Variants in SAMD3 observed in about 807,000 individuals in gnomAD.
The protein encoded by SAMD3 is sterile alpha motif domain-containing protein 3.
SAMD3 carries 63 observed loss-of-function variants against 58.5 expected under a neutral mutation model. That is an observed-to-expected ratio of 1.08 (90% CI 0.88 to 1.33). The LOEUF (loss-of-function observed/expected upper bound fraction) is 1.33, where lower values mean the gene tolerates loss of function less well. Ranked by LOEUF, SAMD3 falls within the 40% of genes most tolerant of loss-of-function variation. SAMD3 has a pLI of 0.00. For synonymous variants in SAMD3, 220 were observed against 210.3 expected (o/e 1.05, Z -0.40); for missense variants, 604 against 608.4 (o/e 0.99, Z 0.08).
chr6:130,258,615 C>A (rs985305710), intron 2 of SAMD3, among the ~76,000 whole-genome samples: 17 of 152,164 alleles, frequency 1.1e-4, no homozygotes, highest in Admixed American at 1.1e-3. Context: ...CTATCACACA[C>A]AAAAGAGTCT....
rs60129721 is a variant in SAMD3 at position 130,164,085 on chromosome 6, G to GAAA, written c.823-9063_823-9061dup. ...CAGTATCCTACACATAAAGTAGGTT[G>GAAA]AAAAAAAAAAAAAAAGAGGCACAAG... On this transcript the variant is annotated intron_variant, in intron 8 of 11. Transcript: ENST00000439090. Among the ~76,000 whole-genome samples, 99 of 137,462 alleles carry GAAA rather than the reference G, an allele frequency of 7.2e-4. 1 individual carries two copies. Among genetic ancestry groups the GAAA allele is most frequent in the African/African-American group, 2.4e-3 (89 of 37,484 alleles). The allele number at this position is 137,462 out of a possible 152,430, so 90.2% of individuals were successfully genotyped here.
chr6:130,208,814 CT>C (rs1313445129), intron 5 of SAMD3, among the ~76,000 whole-genome samples: 2 of 152,184 alleles, frequency 1.3e-5, no homozygotes, highest in African/African-American at 2.4e-5. Context: ...ATCCATCCCC[CT>C]GACCCCTGTC....
intron 2 of SAMD3, among the ~76,000 whole-genome samples, chr6:130,290,865 CA>C (rs1775339140): frequency 6.6e-6 from 1 of 152,292 alleles, no homozygotes; most frequent in South Asian, 2.1e-4. Context: ...TAACAATATA[CA>C]AATTTTAAAT....
chr6:130,184,949 A>G (rs953707096), intron 5 of SAMD3, among the ~76,000 whole-genome samples: 11 of 152,370 alleles, frequency 7.2e-5, no homozygotes, highest in African/African-American at 2.6e-4. Context: ...AAACTAGACA[A>G]TATACTTAAC....
At chr6:130,308,590 TAGTA>T (rs1315801286) in intron 2 of SAMD3, among the ~76,000 whole-genome samples, 1 of 151,904 alleles carries the variant, frequency 6.6e-6, no homozygotes, top group Admixed American at 6.6e-5. Flanking sequence ...ATTTCTGGGC[TAGTA>T]AGTATTTTCT....
At position 130,157,513 on chromosome 6, in the gene SAMD3, G is replaced by A. The variant is rs573082109; in HGVS notation, c.823-2488C>T. 1.1e-3 allele frequency among the ~76,000 whole-genome samples: 167 copies of A among 152,248 alleles called. 1 individual carries two copies. Among genetic ancestry groups the A allele is most frequent in the Non-Finnish European group, 2.0e-3 (138 of 68,014 alleles). ...CTGGTTAATTTTTGTATTTTTTGTAGAGACAGGTCTTGCCATGTTGCCCAG... is the reference window on the plus strand; with the variant it reads ...CTGGTTAATTTTTGTATTTTTTGTAAAGACAGGTCTTGCCATGTTGCCCAG... On this transcript the variant is annotated intron_variant, in intron 8 of 11. Transcript: ENST00000439090.
intron 1 of SAMD3, among the ~76,000 whole-genome samples, chr6:130,349,048 A>C (rs1187170207): frequency 1.3e-5 from 2 of 152,204 alleles, no homozygotes; most frequent in Non-Finnish European, 2.9e-5. Flanking sequence ...AAGACACAAC[A>C]TACCAGCATC....
At chr6:130,237,023 T>G (rs957273216) in intron 2 of SAMD3, among the ~76,000 whole-genome samples, 3 of 152,198 alleles carry the variant, frequency 2.0e-5, no homozygotes, top group Non-Finnish European at 4.4e-5. Context: ...AACTTAATAT[T>G]TTTGAAAACT....
intron 9 of SAMD3, among the ~76,000 whole-genome samples, chr6:130,146,703 G>A (rs998086043): frequency 2.0e-5 from 3 of 152,098 alleles, no homozygotes; most frequent in African/African-American, 7.2e-5. Flanking sequence ...GGCTGGGCAC[G>A]GTGGCTCATG....
chr6:130,233,333 C>T (rs567941000), intron 2 of SAMD3, among the ~76,000 whole-genome samples: 8 of 152,276 alleles, frequency 5.3e-5, no homozygotes, highest in Admixed American at 3.3e-4. Context: ...ACATGTGCCA[C>T]GGTGGTTTGC....
Position 130,180,114 on chromosome 6 carries a change from C to CT in SAMD3, c.654+3988dup, listed in dbSNP as rs543131613. The stretch of plus-strand genomic sequence containing the variant: ...ACAGGCGTGAACCACCGTACACGAC[C>CT]TTTTTTTTTATTATTATTATTTTTG... On this transcript the variant is annotated intron_variant, in intron 7 of 11. Transcript: ENST00000439090. Among the ~76,000 whole-genome samples the CT allele has an allele frequency of 8.2e-4, 123 of 149,812 alleles. 2 individuals carry two copies. The highest frequency in any genetic ancestry group is 2.7e-3 in the African/African-American group (110 of 40,740).
chr6:130,346,038 C>T (rs575208958), intron 1 of SAMD3, among the ~76,000 whole-genome samples: 95 of 152,256 alleles, frequency 6.2e-4, no homozygotes, highest in African/African-American at 2.2e-3. Context: ...AATATGCAGC[C>T]ATGGAAGTTT....
intron 8 of SAMD3, among the ~76,000 whole-genome samples, chr6:130,157,161 CAT>C (rs754932728): frequency 1.4e-3 from 218 of 151,752 alleles, no homozygotes; most frequent in African/African-American, 4.2e-3. Flanking sequence ...ATTATCTAAA[CAT>C]GTGTAAACGT....
chr6:130,191,558 T>A (rs79584929), intron 5 of SAMD3, among the ~76,000 whole-genome samples: 1 of 152,004 alleles, frequency 6.6e-6, no homozygotes, highest in African/African-American at 2.4e-5. Flanking sequence ...ATTTTCAAAC[T>A]AGAAAGCTTC....
In SAMD3 at chr6:130,297,309, G is replaced by T. The variant is rs541078697; in HGVS notation, c.-188+15669C>A. On this transcript the variant is annotated intron_variant, in intron 2 of 13. Transcript: ENST00000368134. ...GTCTTGGCCCACTGAAAACACCCAG[G>T]AATGAAGCCAAATGACCATATGCAG... is the stretch of plus-strand genomic sequence containing the variant. 9.7e-4 allele frequency among the ~76,000 whole-genome samples: 147 copies of T among 152,244 alleles called. 1 individual carries two copies. The highest frequency in any genetic ancestry group is 1.6e-3 in the African/African-American group (67 of 41,542).
At chr6:130,153,649 T>A (rs541666085) in intron 9 of SAMD3, among the ~76,000 whole-genome samples, 1 of 87,408 alleles carries the variant, frequency 1.1e-5, no homozygotes, top group Admixed American at 1.2e-4. Flanking sequence ...TTAAATTTCA[T>A]ATATATATAT....
chr6:130,177,145 C>A (rs1791801360), intron 7 of SAMD3, among the ~76,000 whole-genome samples: 1 of 152,174 alleles, frequency 6.6e-6, no homozygotes, highest in African/African-American at 2.4e-5. Flanking sequence ...CCACTCTCAG[C>A]ATCTCTGATT....
At chr6:130,320,232 AAATGGGGGAAATCTGAACAG>A (rs1776539166) in intron 1 of SAMD3, among the ~76,000 whole-genome samples, 1 of 152,232 alleles carries the variant, frequency 6.6e-6, no homozygotes, top group Non-Finnish European at 1.5e-5. Context: ...TCAAAAAAAG[AAATGGGGGAAATCTGAACAG>A]AAGCTTCATC....
At chr6:130,327,837 A>G (rs1468861538) in intron 1 of SAMD3, among the ~76,000 whole-genome samples, 1 of 152,258 alleles carries the variant, frequency 6.6e-6, no homozygotes, top group African/African-American at 2.4e-5. Flanking sequence ...CCATATTATG[A>G]CTGATGAAAC....
Sources: gnomAD v4.1 joint callset for allele counts (sites outside exome capture counted in the v4.1 genomes callset) on GRCh38, gnomAD v4.1.1 for gene constraint, MANE v1.5 for transcripts, NCBI Gene and HGNC (gene_info 2026-07-23, HGNC 2026-07-21) for gene names.